USH2A: variants seen among roughly 807,000 people sequenced by gnomAD.
USH2A encodes usherin, also known as Usher syndrome 2A (autosomal recessive, mild).
A neutral mutation model predicts 538.9 loss-of-function variants in USH2A; 443 were observed. That is an observed-to-expected ratio of 0.82 (90% CI 0.76 to 0.89). The LOEUF is 0.89. Ranked by LOEUF, USH2A falls within the 40% of genes least tolerant of loss-of-function variation. The pLI is 0.00. For missense variants in USH2A, 6,633 were observed against 6,324.8 expected (o/e 1.05, Z -1.65); for synonymous variants, 2,413 against 2,273.5 (o/e 1.06, Z -1.75).
At chr1:216,216,365 T>C (rs746486530) in intron 15 of USH2A, among the ~76,000 whole-genome samples, 1 of 152,114 alleles carries the variant, frequency 6.6e-6, no homozygotes, top group Non-Finnish European at 1.5e-5. Context: ...ACTAGCTATA[T>C]CCTGCTTTCC....
intron 3 of USH2A, among the ~76,000 whole-genome samples, chr1:216,397,499 C>T (rs979708475): frequency 6.6e-6 from 1 of 152,132 alleles, no homozygotes; most frequent in African/African-American, 2.4e-5. Context: ...GGGTACCATC[C>T]AATCAGCTGC....
chr1:216,335,018 T>A (rs1050313376), intron 4 of USH2A, among the ~76,000 whole-genome samples: 2 of 151,748 alleles, frequency 1.3e-5, no homozygotes, highest in Non-Finnish European at 3.0e-5. Context: ...CAAGTGCATA[T>A]GGTACATTCT....
intron 11 of USH2A, among the ~76,000 whole-genome samples, chr1:216,258,792 A>C (rs2036307019): frequency 6.6e-6 from 1 of 152,094 alleles, no homozygotes; most frequent in African/African-American, 2.4e-5. Flanking sequence ...AGGAGGATAA[A>C]TTCTATCACA....
chr1:216,246,806 T>C lies in USH2A; in HGVS notation c.2588A>G (p.Lys863Arg), dbSNP rs753032286. The C allele has an allele frequency of 1.2e-6, 2 of 1,614,146 alleles. No homozygotes were observed. Among genetic ancestry groups the C allele is most frequent in the South Asian group, 2.2e-5 (2 of 91,090 alleles). Residue 863 changes from lysine to arginine, a missense_variant, in exon 13 of 72, where the codon AAA (lysine) becomes AGA (arginine). Transcript: ENST00000307340. ...GTINGSLLCN[K>R]STGQCPCKLG... is the part of the protein sequence containing the mutation. ...TTTGCAAGGACATTGTCCTGTTGATTTGTTACACAGCAGAGAGCCATTTAT... is the reference window on the plus strand; with the variant it reads ...TTTGCAAGGACATTGTCCTGTTGATCTGTTACACAGCAGAGAGCCATTTAT...
At chr1:215,722,853 A>T (rs1244306091) in intron 61 of USH2A, among the ~76,000 whole-genome samples, 2 of 152,220 alleles carry the variant, frequency 1.3e-5, no homozygotes, top group East Asian at 3.9e-4. Context: ...CACAGATAAT[A>T]GGTAAACCAC....
chr1:215,948,304 A>G (rs76289061), intron 37 of USH2A, among the ~76,000 whole-genome samples: 4,883 of 151,756 alleles, frequency 0.032, 124 homozygotes, highest in South Asian at 0.084. Context: ...TTTTTTTATT[A>G]TAAATGTTAA....
chr1:216,002,943 T>C (rs1187293760), intron 32 of USH2A, among the ~76,000 whole-genome samples: 1 of 152,120 alleles, frequency 6.6e-6, no homozygotes, highest in South Asian at 2.1e-4. Context: ...CCCACTCACC[T>C]TTCCCCTATA....
At chr1:216,055,989 A>C (rs966825458) in intron 30 of USH2A, among the ~76,000 whole-genome samples, 10 of 152,212 alleles carry the variant, frequency 6.6e-5, no homozygotes, top group Admixed American at 2.6e-4. Context: ...AAACAGGAAA[A>C]ACATTATTCT....
intron 61 of USH2A, among the ~76,000 whole-genome samples, chr1:215,707,944 TAGAAG>T (rs1659227882): frequency 6.6e-6 from 1 of 152,316 alleles, no homozygotes; most frequent in African/African-American, 2.4e-5. Flanking sequence ...CTCTGTGTGC[TAGAAG>T]AGTACAATTG....
At position 216,175,534 on chromosome 1, in the gene USH2A, G is replaced by C. The variant is rs557853649; in HGVS notation, c.4397-52C>G. ...TTCAAGAATTTGGTTTCTGTCTCTA[G>C]ACACACATATTCACATATACGTATA... On this transcript the variant is annotated intron_variant, in intron 20 of 71. Coordinates refer to ENST00000307340, the MANE Select transcript of USH2A (RefSeq NM_206933.4). 1.6e-5 allele frequency: 24 copies of C among 1,518,080 alleles called. No individual in the cohort carries two copies. In the South Asian group the frequency reaches 2.6e-4, roughly 16 times the overall value. 94.0% of individuals were successfully genotyped at this position (1,518,080 alleles called of 1,614,324 possible).
At position 215,675,250 on chromosome 1, in the gene USH2A, T is replaced by C. The variant is rs1252921921; in HGVS notation, c.12661A>G (p.Asn4221Asp). 65 of 1,614,056 alleles carry C rather than the reference T, an allele frequency of 4.0e-5. No individual in the cohort carries two copies. The highest frequency in any genetic ancestry group is 5.3e-5 in the Non-Finnish European group (63 of 1,180,034). ...CCTGTGTCATTATACATAAATGTAT[T>C]CCTTTCAGTGTTATATTCTGTGAAA... ...IVFTEYNTER[N>D]TFMYNDTGLQ... Residue 4221 changes from asparagine to aspartate, a missense_variant, in exon 63 of 72, where the codon AAT becomes GAT. Coordinates refer to ENST00000307340, the MANE Select transcript of USH2A (RefSeq NM_206933.4).
intron 37 of USH2A, among the ~76,000 whole-genome samples, chr1:215,962,741 C>T: frequency 6.6e-6 from 1 of 152,028 alleles, no homozygotes; most frequent in East Asian, 1.9e-4. Context: ...TCTGAGACTG[C>T]AGAACAGGCT....
intron 52 of USH2A, among the ~76,000 whole-genome samples, chr1:215,784,700 T>C (rs554730909): frequency 6.6e-6 from 1 of 152,346 alleles, no homozygotes; most frequent in East Asian, 1.9e-4. Flanking sequence ...GGAATTATCA[T>C]AGCACCACTT....
At chr1:215,988,132 CT>C in intron 35 of USH2A, among the ~76,000 whole-genome samples, 1 of 151,968 alleles carries the variant, frequency 6.6e-6, no homozygotes, top group East Asian at 1.9e-4. Context: ...AGTTGTAGAA[CT>C]TTTTCGTCTT....
intron 24 of USH2A, among the ~76,000 whole-genome samples, chr1:216,085,563 A>G (rs2102561964): frequency 6.6e-6 from 1 of 152,210 alleles, no homozygotes; most frequent in Non-Finnish European, 1.5e-5. Context: ...AGTTTATGAG[A>G]GTTTTATAAG....
At chr1:216,139,803 T>G (rs571423510) in intron 21 of USH2A, among the ~76,000 whole-genome samples, 1 of 152,316 alleles carries the variant, frequency 6.6e-6, no homozygotes, top group African/African-American at 2.4e-5. Context: ...ATCTCTTCAT[T>G]CTTCCCAATT....
chr1:216,323,413 T>C lies in USH2A; in HGVS notation c.1550+61A>G, dbSNP rs1163805739. ...AATCTGGCTTGCTCTGACATCTTAA[T>C]GTGCTGTTAAGACAGTAAGTATGAC... On this transcript the variant is annotated intron_variant, in intron 8 of 71. Coordinates refer to ENST00000307340, the MANE Select transcript of USH2A (RefSeq NM_206933.4). 5 of 1,522,480 alleles carry C rather than the reference T, an allele frequency of 3.3e-6. 1 individual carries two copies. In the South Asian group the frequency reaches 4.5e-5, roughly 14 times the overall value. The allele number at this position is 1,522,480 out of a possible 1,614,324, so 94.3% of individuals were successfully genotyped here. A position where few individuals can be genotyped will look rare whatever the true frequency, so the allele number is the denominator to read the frequency against.
chr1:216,370,310 G>A (rs942834487), intron 3 of USH2A, among the ~76,000 whole-genome samples: 14 of 150,564 alleles, frequency 9.3e-5, no homozygotes, highest in African/African-American at 2.7e-4. Flanking sequence ...GCGGTGAGCC[G>A]ACATCACGCC....
intron 50 of USH2A, among the ~76,000 whole-genome samples, chr1:215,792,183 A>T (rs1292410654): frequency 1.3e-5 from 2 of 152,170 alleles, no homozygotes; most frequent in African/African-American, 4.8e-5. Flanking sequence ...ACATTGACCT[A>T]ATTTGAAACT....
Sources: gnomAD v4.1 joint callset for allele counts (sites outside exome capture counted in the v4.1 genomes callset) on GRCh38, gnomAD v4.1.1 for gene constraint, MANE v1.5 for transcripts, NCBI Gene and HGNC (gene_info 2026-07-23, HGNC 2026-07-21) for gene names.